PPARG: variants seen among roughly 807,000 people sequenced by gnomAD.
PPARG encodes peroxisome proliferator-activated receptor gamma.
A neutral mutation model predicts 39.2 loss-of-function variants in PPARG; 17 were observed. The observed-to-expected ratio is 0.43, with a 90% CI of 0.30 to 0.65. The LOEUF is 0.65. PPARG is among the 30% of genes least tolerant of loss of function. The pLI is 0.13. For synonymous variants in PPARG, 223 were observed against 215.7 expected, an observed-to-expected ratio of 1.03 and a Z score of -0.30; for missense variants, 406 against 585.9, an observed-to-expected ratio of 0.69 and a Z score of 3.17.
In PPARG at chr3:12,339,000, A is replaced by C. The variant is rs1206518316; in HGVS notation, c.-9+26547A>C. On this transcript the variant is annotated intron_variant, in intron 2 of 7. Transcript: ENST00000651735. ...TAAGGTAAAATTGAAAACAGAGTTA[A>C]AAACTTTTCCTCAGAAATCGGAAAC... 2.6e-5 allele frequency among the ~76,000 whole-genome samples: 4 copies of C among 152,240 alleles called. No individual in the cohort carries two copies. The East Asian group carries it at 7.7e-4, about 29-fold the overall frequency.
chr3:12,328,290 G>T, intron 2 of PPARG: 1 of 1,368,290 alleles, frequency 7.3e-7, no homozygotes, highest in South Asian at 1.2e-5. Flanking sequence ...AGCCTCTCTG[G>T]GAAGCTCTTC....
chr3:12,307,843 T>C (rs2047114902), intron 1 of PPARG, among the ~76,000 whole-genome samples: 1 of 151,974 alleles, frequency 6.6e-6, no homozygotes, highest in Non-Finnish European at 1.5e-5. Context: ...GAATGAGGAG[T>C]TGTCCAATTA....
chr3:12,310,791 T>TAAAAAAAAAA (rs761238501), intron 1 of PPARG, among the ~76,000 whole-genome samples: 2 of 50,332 alleles, frequency 4.0e-5, no homozygotes, highest in Non-Finnish European at 6.7e-5. Context: ...GCCTTAAATG[T>TAAAAAAAAAA]AAAAAAAAAA....
chr3:12,310,503 G>T (rs1340767347), intron 1 of PPARG, among the ~76,000 whole-genome samples: 2 of 61,346 alleles, frequency 3.3e-5, no homozygotes, highest in East Asian at 6.8e-4. Context: ...TCGCTCTGTC[G>T]CCCAGGCTGG....
intron 2 of PPARG, among the ~76,000 whole-genome samples, chr3:12,350,771 A>G (rs990143349): frequency 6.6e-6 from 1 of 152,232 alleles, no homozygotes; most frequent in African/African-American, 2.4e-5. Context: ...CATAGCACTT[A>G]TCGTTTAAAC....
intron 5 of PPARG, among the ~76,000 whole-genome samples, chr3:12,404,010 A>C (rs2050568850): frequency 6.6e-6 from 1 of 152,154 alleles, no homozygotes; most frequent in African/African-American, 2.4e-5. Context: ...TCATATCCTG[A>C]GGGACCCAGA....
At chr3:12,313,078 A>G (rs994988277) in intron 2 of PPARG, among the ~76,000 whole-genome samples, 2 of 152,132 alleles carry the variant, frequency 1.3e-5, no homozygotes, top group Admixed American at 6.6e-5. Flanking sequence ...TTAGTCCCCA[A>G]CTTTTTTGGG....
chr3:12,326,479 C>G (rs1410452116), intron 2 of PPARG, among the ~76,000 whole-genome samples: 1 of 152,068 alleles, frequency 6.6e-6, no homozygotes, highest in Non-Finnish European at 1.5e-5. Context: ...AACATTTGTC[C>G]AAATACATGT....
chr3:12,421,519 G>GC (rs1302779072), intron 7 of PPARG, among the ~76,000 whole-genome samples: 1 of 152,140 alleles, frequency 6.6e-6, no homozygotes, highest in Non-Finnish European at 1.5e-5. Context: ...TGGATGTTTT[G>GC]CCCCCTTGAG....
chr3:12,392,859 C>A, intron 5 of PPARG, 107 bp downstream of exon 5: 2 of 1,381,306 alleles, frequency 1.4e-6, no homozygotes, highest in African/African-American at 1.4e-5. Flanking sequence ...CCACCAAATG[C>A]CAGAATTTAG....
At chr3:12,393,291 A>G (rs2125217247) in intron 5 of PPARG, among the ~76,000 whole-genome samples, 1 of 151,780 alleles carries the variant, frequency 6.6e-6, no homozygotes, top group Admixed American at 6.6e-5. Context: ...AGGGTAAAAC[A>G]AATTATTTTT....
chr3:12,387,081 G>C (rs958128213), intron 4 of PPARG, among the ~76,000 whole-genome samples: 1 of 152,140 alleles, frequency 6.6e-6, no homozygotes, highest in Non-Finnish European at 1.5e-5. Flanking sequence ...AGTATTCTAT[G>C]ATGTATATGT....
intron 6 of PPARG, among the ~76,000 whole-genome samples, chr3:12,416,295 C>T (rs554631128): frequency 6.6e-6 from 1 of 152,310 alleles, no homozygotes; most frequent in South Asian, 2.1e-4. Context: ...ACAAGAATTG[C>T]TTGAACCTGG....
intron 7 of PPARG, among the ~76,000 whole-genome samples, chr3:12,422,028 T>C (rs1166190271): frequency 6.6e-6 from 1 of 152,236 alleles, no homozygotes; most frequent in East Asian, 1.9e-4. Flanking sequence ...GGATAACACC[T>C]AGTTCTATCA....
chr3:12,326,207 G>A (rs1038099577), intron 2 of PPARG, among the ~76,000 whole-genome samples: 2 of 151,948 alleles, frequency 1.3e-5, no homozygotes, highest in African/African-American at 4.8e-5. Flanking sequence ...ATGGTAGATC[G>A]AGTTGTAAAA....
intron 2 of PPARG, among the ~76,000 whole-genome samples, chr3:12,365,784 G>A (rs536687326): frequency 4.6e-5 from 7 of 152,064 alleles, no homozygotes; most frequent in South Asian, 4.2e-4. Flanking sequence ...TGCCAGTACC[G>A]TACTATCTTA....
At chr3:12,388,508 A>G (rs531400114) in intron 4 of PPARG, among the ~76,000 whole-genome samples, 1 of 152,232 alleles carries the variant, frequency 6.6e-6, no homozygotes, top group East Asian at 1.9e-4. Flanking sequence ...TTAAGCCAGG[A>G]TTCTCAATAG....
At chr3:12,327,995 C>G in intron 2 of PPARG, 1 of 845,836 alleles carries the variant, frequency 1.2e-6, no homozygotes, top group Non-Finnish European at 2.0e-6. Flanking sequence ...GTTCTTAGAA[C>G]CTACTGTATA....
intron 1 of PPARG, among the ~76,000 whole-genome samples, chr3:12,296,267 A>AAAAAAAAAAAAAG (rs2046783019): frequency 6.6e-6 from 1 of 151,316 alleles, no homozygotes; most frequent in African/African-American, 2.4e-5. Context: ...AAAAAAAAAA[A>AAAAAAAAAAAAAG]AAAAAAAAAA....
Sources: gnomAD v4.1 joint callset for allele counts (sites outside exome capture counted in the v4.1 genomes callset) on GRCh38, gnomAD v4.1.1 for gene constraint, MANE v1.5 for transcripts, NCBI Gene and HGNC (gene_info 2026-07-23, HGNC 2026-07-21) for gene names.